Variants in GMDS observed in about 807,000 individuals in gnomAD.
GMDS encodes the protein GDP-mannose 4,6-dehydratase, also known as GDP-mannose 4,6 dehydratase.
A neutral mutation model predicts 49.9 loss-of-function variants in GMDS; 20 were observed. The ratio of observed to expected loss-of-function variants is 0.40; its 90% CI spans 0.28 to 0.58. GMDS has a LOEUF of 0.58. GMDS is among the 20% of genes least tolerant of loss of function. GMDS has a pLI of 0.42. For missense variants in GMDS, 362 were observed against 481.4 expected, an observed-to-expected ratio of 0.75 and a Z score of 2.32; for synonymous variants, 177 against 178.6, an observed-to-expected ratio of 0.99 and a Z score of 0.07.
At chr6:2,018,983 A>G (rs1768084481) in intron 4 of GMDS, among the ~76,000 whole-genome samples, 1 of 151,836 alleles carries the variant, frequency 6.6e-6, no homozygotes, top group African/African-American at 2.4e-5. Flanking sequence ...TTTTTCCACA[A>G]CCTCATCAAC....
At chr6:2,180,085 A>G (rs1396532394) in intron 1 of GMDS, among the ~76,000 whole-genome samples, 1 of 152,182 alleles carries the variant, frequency 6.6e-6, no homozygotes, top group East Asian at 1.9e-4. Context: ...ATGAAACCAA[A>G]TGGGTACTTC....
intron 4 of GMDS, among the ~76,000 whole-genome samples, chr6:2,071,435 T>C (rs1771991252): frequency 1.3e-5 from 2 of 152,088 alleles, no homozygotes. Flanking sequence ...CATGAGCCCA[T>C]GTGACGTACT....
chr6:1,777,410 TTA>T lies in GMDS; in HGVS notation c.772-34826_772-34825del, dbSNP rs577239698. Among the ~76,000 whole-genome samples, 433 of 152,388 alleles carry T rather than the reference TTA, an allele frequency of 2.8e-3. 4 individuals are homozygous for T. The highest frequency in any genetic ancestry group is 9.4e-3 in the African/African-American group (389 of 41,600). The stretch of plus-strand genomic sequence containing the variant: ...AAACTAATCTGCTTATATTTTTATT[TTA>T]TGTTATTTCTATATTTCTTCTTGAT... On this transcript the variant is annotated intron_variant, in intron 7 of 10. Transcript: ENST00000380815.
intron 8 of GMDS, among the ~76,000 whole-genome samples, chr6:1,727,179 G>A (rs917583401): frequency 6.6e-6 from 1 of 152,100 alleles, no homozygotes. Context: ...GACCTAGCTA[G>A]GATACTGTTT....
chr6:2,120,166 G>A (rs1360909841), intron 2 of GMDS, among the ~76,000 whole-genome samples: 2 of 152,134 alleles, frequency 1.3e-5, no homozygotes, highest in East Asian at 1.9e-4. Context: ...TTCTCTGTAT[G>A]TATCAAATCA....
intron 4 of GMDS, among the ~76,000 whole-genome samples, chr6:2,084,736 T>G (rs1049391913): frequency 6.6e-6 from 1 of 152,248 alleles, no homozygotes; most frequent in East Asian, 1.9e-4. Flanking sequence ...CTCGATCTCC[T>G]GACCTTGTGA....
intron 1 of GMDS, among the ~76,000 whole-genome samples, chr6:2,165,693 A>C (rs1312674098): frequency 1.3e-5 from 2 of 152,266 alleles, no homozygotes; most frequent in Admixed American, 6.5e-5. Context: ...TCATGTTAAA[A>C]GCTAAATAAA....
chr6:1,705,439 A>T, intron 9 of GMDS, among the ~76,000 whole-genome samples: 1 of 152,202 alleles, frequency 6.6e-6, no homozygotes, highest in Non-Finnish European at 1.5e-5. Context: ...TAGTTACCCT[A>T]ATCCCATCTT....
At chr6:2,016,224 A>C (rs1767893202) in intron 4 of GMDS, among the ~76,000 whole-genome samples, 1 of 151,248 alleles carries the variant, frequency 6.6e-6, no homozygotes, top group Non-Finnish European at 1.5e-5. Flanking sequence ...GCGCCACTGC[A>C]CTCTAGCCTA....
intron 9 of GMDS, among the ~76,000 whole-genome samples, chr6:1,701,387 C>G (rs966189036): frequency 1.3e-5 from 2 of 152,110 alleles, no homozygotes; most frequent in Non-Finnish European, 2.9e-5. Flanking sequence ...TCCTTCAACC[C>G]AATGTCTCCA....
chr6:2,105,137 A>G lies in GMDS; in HGVS notation c.345+10634T>C, dbSNP rs534041886. On this transcript the variant is annotated intron_variant, in intron 4 of 10. Transcript: ENST00000380815. ...GCGGAGCTTGCAGTGAGCGGAGATCACGCCACTGCACTCCAGCCTGGGTGA... is the reference window on the plus strand; with the variant it reads ...GCGGAGCTTGCAGTGAGCGGAGATCGCGCCACTGCACTCCAGCCTGGGTGA... Among the ~76,000 whole-genome samples, 21 of 144,426 alleles carry G rather than the reference A, an allele frequency of 1.5e-4. No homozygotes were observed. The South Asian group carries it at 2.9e-3, about 20-fold the overall frequency. The allele number at this position is 144,426 out of a possible 152,430, so 94.7% of individuals were successfully genotyped here. A position where few individuals can be genotyped will look rare whatever the true frequency, so the allele number is the denominator to read the frequency against.
intron 4 of GMDS, among the ~76,000 whole-genome samples, chr6:1,985,670 T>C (rs1021974153): frequency 6.6e-6 from 1 of 151,954 alleles, no homozygotes; most frequent in Admixed American, 6.6e-5. Context: ...ACTAAAAATA[T>C]AGAAAGGTGC....
At chr6:1,799,361 A>C (rs1769858425) in intron 7 of GMDS, among the ~76,000 whole-genome samples, 2 of 152,222 alleles carry the variant, frequency 1.3e-5, no homozygotes, top group South Asian at 4.1e-4. Context: ...GCATATATCT[A>C]AGAAAGCTCA....
chr6:2,164,606 C>A (rs1055262918), intron 1 of GMDS, among the ~76,000 whole-genome samples: 4 of 152,204 alleles, frequency 2.6e-5, no homozygotes, highest in Admixed American at 1.3e-4. Flanking sequence ...TCATCAGGAT[C>A]TTCCCACACA....
intron 4 of GMDS, among the ~76,000 whole-genome samples, chr6:1,991,756 G>C (rs1322856931): frequency 6.6e-6 from 1 of 152,270 alleles, no homozygotes; most frequent in East Asian, 1.9e-4. Flanking sequence ...CCTAATCCCT[G>C]GCAACTCAGA....
At chr6:1,641,702 A>C (rs1211682654) in intron 9 of GMDS, among the ~76,000 whole-genome samples, 1 of 138,300 alleles carries the variant, frequency 7.2e-6, no homozygotes, top group Non-Finnish European at 1.6e-5. Context: ...CTCTCGGATG[A>C]TTTCTCTCTC....
At chr6:1,785,676 C>A (rs1581179104) in intron 7 of GMDS, among the ~76,000 whole-genome samples, 1 of 152,330 alleles carries the variant, frequency 6.6e-6, no homozygotes, top group Admixed American at 6.5e-5. Flanking sequence ...ATCTGGGCAG[C>A]CATGACCATC....
intron 9 of GMDS, among the ~76,000 whole-genome samples, chr6:1,648,689 G>A (rs1029390096): frequency 6.6e-6 from 1 of 152,198 alleles, no homozygotes; most frequent in Non-Finnish European, 1.5e-5. Context: ...ATCATACATT[G>A]TCTAGCTAAT....
At chr6:2,028,520 C>T (rs1178604088) in intron 4 of GMDS, among the ~76,000 whole-genome samples, 1 of 152,182 alleles carries the variant, frequency 6.6e-6, no homozygotes, top group African/African-American at 2.4e-5. Context: ...ACATCTTCGT[C>T]GCTCAGGACA....
Sources: allele counts gnomAD v4.1 joint callset (sites outside exome capture counted in the v4.1 genomes callset), GRCh38; gene constraint gnomAD v4.1.1; transcripts MANE v1.5; gene names NCBI Gene and HGNC (gene_info 2026-07-23, HGNC 2026-07-21).